Variants in DGKG observed in about 807,000 individuals in gnomAD.
DGKG encodes DAG kinase gamma.
Under a neutral mutation model 105.3 loss-of-function variants are expected in DGKG, and 78 were observed. The ratio of observed to expected loss-of-function variants is 0.74; its 90% CI spans 0.62 to 0.89. The LOEUF is 0.89. Ranked by LOEUF, DGKG falls within the 40% of genes least tolerant of loss-of-function variation. DGKG has a pLI of 0.00. For missense variants in DGKG, 958 were observed against 1,020.1 expected (o/e 0.94, Z 0.83); for synonymous variants, 346 against 367.1 (o/e 0.94, Z 0.66).
At chr3:186,349,063 C>T (rs557917339) in intron 1 of DGKG, among the ~76,000 whole-genome samples, 30 of 150,646 alleles carry the variant, frequency 2.0e-4, no homozygotes, top group African/African-American at 5.1e-4. Context: ...ACATGTGTCA[C>T]GGTAAATTAA....
At chr3:186,348,061 T>C (rs1334728763) in intron 1 of DGKG, among the ~76,000 whole-genome samples, 1 of 152,230 alleles carries the variant, frequency 6.6e-6, no homozygotes, top group Non-Finnish European at 1.5e-5. Flanking sequence ...CAGCACAAAA[T>C]GAGACATTCA....
At chr3:186,202,024 C>G (rs1210749577) in intron 21 of DGKG, among the ~76,000 whole-genome samples, 1 of 152,202 alleles carries the variant, frequency 6.6e-6, no homozygotes, top group East Asian at 1.9e-4. Flanking sequence ...GGCTGGGGAT[C>G]ACAGATTGAG....
At chr3:186,196,752 G>C (rs1718201899) in intron 21 of DGKG, among the ~76,000 whole-genome samples, 4 of 152,140 alleles carry the variant, frequency 2.6e-5, no homozygotes, top group Admixed American at 2.0e-4. Flanking sequence ...TTACCAAAAT[G>C]AGAACAGTGA....
rs1300696872 is a variant in DGKG at position 186,325,264 on chromosome 3, G to GCTGAAAAA, written c.-248-4565_-248-4558dup. Reference sequence around the variant, plus strand: ...GAGGGGGCAGGGGGAAGGGGCAAAGGCTGAAAAACTGAAAAACTGAAAAAT... The same window carrying GCTGAAAAA: ...GAGGGGGCAGGGGGAAGGGGCAAAGGCTGAAAAACTGAAAAACTGAAAAACTGAAAAAT... On this transcript the variant is annotated intron_variant, in intron 1 of 24. Transcript: ENST00000265022. Among the ~76,000 whole-genome samples, 6 of 152,298 alleles carry GCTGAAAAA rather than the reference G, an allele frequency of 3.9e-5. No individual in the cohort carries two copies. The East Asian group carries it at 5.8e-4, about 15-fold the overall frequency.
chr3:186,158,977 A>C, intron 24 of DGKG: 1 of 314,606 alleles, frequency 3.2e-6, no homozygotes, highest in Non-Finnish European at 4.6e-6. Context: ...TACCTGATAA[A>C]GGATAAAATA....
intron 24 of DGKG, among the ~76,000 whole-genome samples, chr3:186,155,040 C>T (rs973888016): frequency 6.6e-6 from 1 of 152,080 alleles, no homozygotes; most frequent in African/African-American, 2.4e-5. Flanking sequence ...TCAGATTATG[C>T]CACCTAACTG....
At chr3:186,314,832 T>C (rs1313336607) in intron 2 of DGKG, among the ~76,000 whole-genome samples, 13 of 152,144 alleles carry the variant, frequency 8.5e-5, no homozygotes, top group Admixed American at 8.5e-4. Flanking sequence ...TTTAATTTCT[T>C]AGAGAATTAA....
chr3:186,313,432 A>G, intron 2 of DGKG: 1 of 909,320 alleles, frequency 1.1e-6, no homozygotes, highest in South Asian at 5.1e-5. Flanking sequence ...GGTATGACTT[A>G]TTTGTGTAAG....
intron 24 of DGKG, among the ~76,000 whole-genome samples, chr3:186,155,231 C>T (rs555434572): frequency 2.6e-5 from 4 of 152,206 alleles, no homozygotes; most frequent in Non-Finnish European, 4.4e-5. Context: ...CTCGCACTGT[C>T]GCCTGGGCTG....
intron 20 of DGKG, among the ~76,000 whole-genome samples, chr3:186,233,702 C>G (rs771495712): frequency 5.3e-5 from 8 of 152,194 alleles, no homozygotes; most frequent in Non-Finnish European, 7.3e-5. Context: ...CCAGGATAGT[C>G]TCGATCTCCT....
intron 22 of DGKG, among the ~76,000 whole-genome samples, chr3:186,187,759 C>G (rs976130380): frequency 6.6e-6 from 1 of 152,030 alleles, no homozygotes; most frequent in African/African-American, 2.4e-5. Context: ...GAAATGAGAC[C>G]GAGAAGGAGT....
intron 2 of DGKG, among the ~76,000 whole-genome samples, chr3:186,313,897 A>G (rs1479440585): frequency 6.6e-6 from 1 of 152,012 alleles, no homozygotes. Context: ...CTTCATGAGC[A>G]TTTGATCAAG....
intron 13 of DGKG, among the ~76,000 whole-genome samples, chr3:186,266,842 C>A (rs1041585781): frequency 3.9e-5 from 6 of 152,190 alleles, no homozygotes; most frequent in African/African-American, 1.4e-4. Flanking sequence ...GGTGATCCGC[C>A]TGCCTCAGCC....
intron 2 of DGKG, among the ~76,000 whole-genome samples, chr3:186,319,723 C>A (rs1724991784): frequency 1.3e-5 from 2 of 149,528 alleles, no homozygotes; most frequent in African/African-American, 2.6e-5. Flanking sequence ...TTAGGAGTAA[C>A]CTGAGGGGAC....
intron 11 of DGKG, among the ~76,000 whole-genome samples, chr3:186,271,150 T>C (rs1722298888): frequency 6.6e-6 from 1 of 152,224 alleles, no homozygotes; most frequent in Admixed American, 6.5e-5. Flanking sequence ...CACTCCTCCA[T>C]GTAATCTTCC....
intron 21 of DGKG, among the ~76,000 whole-genome samples, chr3:186,193,822 A>G (rs1718033222): frequency 1.3e-5 from 2 of 152,206 alleles, no homozygotes; most frequent in African/African-American, 4.8e-5. Context: ...GCGTGGCGCT[A>G]AGGAGTGTGG....
chr3:186,350,680 T>A (rs1726586787), intron 1 of DGKG, among the ~76,000 whole-genome samples: 1 of 152,242 alleles, frequency 6.6e-6, no homozygotes, highest in Non-Finnish European at 1.5e-5. Context: ...TTTTCCATAG[T>A]GGCTGTACCA....
At chr3:186,345,000 A>G (rs1726261087) in intron 1 of DGKG, among the ~76,000 whole-genome samples, 1 of 152,160 alleles carries the variant, frequency 6.6e-6, no homozygotes, top group African/African-American at 2.4e-5. Flanking sequence ...TTTACTTGAT[A>G]TGTGAAAGCC....
chr3:186,305,448 G>A (rs1266846144), intron 3 of DGKG, among the ~76,000 whole-genome samples: 1 of 152,170 alleles, frequency 6.6e-6, no homozygotes, highest in Non-Finnish European at 1.5e-5. Flanking sequence ...GATGGGGAGA[G>A]TAGCAAGAGA....
Sources: gnomAD v4.1 joint callset for allele counts (sites outside exome capture counted in the v4.1 genomes callset) on GRCh38, gnomAD v4.1.1 for gene constraint, MANE v1.5 for transcripts, NCBI Gene and HGNC (gene_info 2026-07-23, HGNC 2026-07-21) for gene names.